Variants in ATP8A2 observed in about 807,000 individuals in gnomAD.
The protein encoded by ATP8A2 is ATPase phospholipid transporting 8A2, also known as phospholipid-transporting ATPase IB.
ATP8A2 carries 100 observed loss-of-function variants against 165.6 expected under a neutral mutation model. The observed-to-expected ratio is 0.60, with a 90% confidence interval of 0.51 to 0.71. The LOEUF (loss-of-function observed/expected upper bound fraction) is 0.71, where lower values mean the gene tolerates loss of function less well. ATP8A2 is among the 30% of genes least tolerant of loss of function. The pLI is 0.00. For missense variants in ATP8A2, 1,227 were observed against 1,479.5 expected, an observed-to-expected ratio of 0.83 and a Z score of 2.80; for synonymous variants, 543 against 548.8, an observed-to-expected ratio of 0.99 and a Z score of 0.15.
At chr13:25,852,031 G>C (rs968333682) in intron 30 of ATP8A2, among the ~76,000 whole-genome samples, 1 of 151,992 alleles carries the variant, frequency 6.6e-6, no homozygotes, top group Non-Finnish European at 1.5e-5. Context: ...TCTCTCTCCT[G>C]ATTGCGTAGA....
chr13:25,744,725 A>C (rs1303534183), intron 25 of ATP8A2, among the ~76,000 whole-genome samples: 2 of 152,202 alleles, frequency 1.3e-5, no homozygotes, highest in South Asian at 2.1e-4. Context: ...AGTGTTTGTA[A>C]TAAAAACTTG....
At chr13:25,636,678 C>T (rs80205148) in intron 24 of ATP8A2, among the ~76,000 whole-genome samples, 5,271 of 152,236 alleles carry the variant, frequency 0.035, 158 homozygotes, top group East Asian at 0.13. Flanking sequence ...ACCACAATCT[C>T]GCCTTCACTC....
At chr13:25,525,949 C>A (rs989031286) in intron 2 of ATP8A2, among the ~76,000 whole-genome samples, 1 of 152,006 alleles carries the variant, frequency 6.6e-6, no homozygotes, top group Non-Finnish European at 1.5e-5. Flanking sequence ...TAGACTTTGT[C>A]TTTTGAGGTA....
At chr13:25,522,921 C>G (rs2037715803) in intron 2 of ATP8A2, among the ~76,000 whole-genome samples, 2 of 152,146 alleles carry the variant, frequency 1.3e-5, no homozygotes, top group South Asian at 4.2e-4. Context: ...ATCAGGAGTT[C>G]AAGACCAGCT....
At chr13:25,398,019 C>T (rs1190250525) in intron 1 of ATP8A2, among the ~76,000 whole-genome samples, 4 of 152,124 alleles carry the variant, frequency 2.6e-5, no homozygotes, top group South Asian at 2.1e-4. Context: ...AGGTAGCAGC[C>T]TTAGGGAGAA....
chr13:25,388,253 TGGGGGA>T (rs2033125253), intron 1 of ATP8A2, among the ~76,000 whole-genome samples: 1 of 152,042 alleles, frequency 6.6e-6, no homozygotes, highest in Non-Finnish European at 1.5e-5. Context: ...AGCTGGCTCC[TGGGGGA>T]GAAGTCAAGG....
chr13:25,998,668 C>G (rs909623703), intron 35 of ATP8A2, among the ~76,000 whole-genome samples: 7 of 152,204 alleles, frequency 4.6e-5, no homozygotes, highest in African/African-American at 1.7e-4. Context: ...CCTCTCTTCT[C>G]TCCAGTGCCC....
intron 33 of ATP8A2, among the ~76,000 whole-genome samples, chr13:25,942,204 A>C (rs9511983): frequency 6.6e-6 from 1 of 152,028 alleles, no homozygotes; most frequent in African/African-American, 2.4e-5. Context: ...TCTCCCATTG[A>C]TAAACATTTG....
chr13:25,697,501 GA>G (rs757078976), intron 24 of ATP8A2, among the ~76,000 whole-genome samples: 8 of 152,138 alleles, frequency 5.3e-5, no homozygotes, highest in Non-Finnish European at 1.0e-4. Flanking sequence ...GGCTAGTCTT[GA>G]ATTCTTGACC....
chr13:25,691,452 AGTTTTTTGTTTTTC>A (rs2042723198), intron 24 of ATP8A2, among the ~76,000 whole-genome samples: 1 of 152,214 alleles, frequency 6.6e-6, no homozygotes, highest in African/African-American at 2.4e-5. Flanking sequence ...GAAGGATAAA[AGTTTTTTGTTTTTC>A]GTTTTTTGGA....
rs1298596762 is a variant in ATP8A2 at position 25,672,675 on chromosome 13, T to G, written c.2212-26498T>G. On this transcript the variant is annotated intron_variant, in intron 24 of 36. Transcript: ENST00000381655. ...CGTTTCTGAAGCTGCCTCTGCTGGT[T>G]GCCAGGCAGTGGCTTTACTCCTTTT... 2.0e-5 allele frequency among the ~76,000 whole-genome samples: 3 copies of G among 152,370 alleles called. No homozygotes were observed. In the East Asian group the frequency reaches 5.8e-4, roughly 29 times the overall value.
chr13:25,451,047 C>T (rs2035210518), intron 1 of ATP8A2, among the ~76,000 whole-genome samples: 2 of 152,048 alleles, frequency 1.3e-5, no homozygotes, highest in Admixed American at 1.3e-4. Flanking sequence ...ATGTCCTTTT[C>T]CTCTCTAACC....
chr13:25,530,730 G>C, intron 4 of ATP8A2, 70 bp downstream of exon 4: 1 of 990,488 alleles, frequency 1.0e-6, no homozygotes, highest in Non-Finnish European at 1.5e-6. Flanking sequence ...TGCCTCGGGT[G>C]ATATATTTAA....
chr13:25,409,661 A>G (rs1321022011), intron 1 of ATP8A2, among the ~76,000 whole-genome samples: 2 of 152,206 alleles, frequency 1.3e-5, no homozygotes, highest in South Asian at 2.1e-4. Context: ...ATGTACATCA[A>G]TGAAACAGGA....
At chr13:25,825,420 A>G (rs1951290442) in intron 27 of ATP8A2, among the ~76,000 whole-genome samples, 1 of 151,788 alleles carries the variant, frequency 6.6e-6, no homozygotes, top group South Asian at 2.1e-4. Context: ...TGGCCTCCCA[A>G]AGTGCTGGGA....
At chr13:25,849,616 A>G (rs574667559) in intron 30 of ATP8A2, among the ~76,000 whole-genome samples, 1 of 152,300 alleles carries the variant, frequency 6.6e-6, no homozygotes, top group South Asian at 2.1e-4. Context: ...GGCTGTTACT[A>G]CTAATGTTGG....
chr13:25,465,677 T>C (rs886777073), intron 1 of ATP8A2, among the ~76,000 whole-genome samples: 1 of 8,278 alleles, frequency 1.2e-4, no homozygotes, highest in East Asian at 3.7e-3. Context: ...CTTTCTTTCT[T>C]TCTTTCTTTC....
intron 24 of ATP8A2, among the ~76,000 whole-genome samples, chr13:25,695,282 G>T (rs544616769): frequency 6.6e-6 from 1 of 152,130 alleles, no homozygotes; most frequent in Non-Finnish European, 1.5e-5. Context: ...GCTAACAATC[G>T]CCTAAGCCTT....
At chr13:25,531,529 A>G (rs1425887734) in intron 4 of ATP8A2, among the ~76,000 whole-genome samples, 40 of 149,966 alleles carry the variant, frequency 2.7e-4, no homozygotes, top group Non-Finnish European at 5.9e-5. Flanking sequence ...CCTCCCTTAC[A>G]TACACACACA....
Sources: gnomAD v4.1 joint callset for allele counts (sites outside exome capture counted in the v4.1 genomes callset) on GRCh38, gnomAD v4.1.1 for gene constraint, MANE v1.5 for transcripts, NCBI Gene and HGNC (gene_info 2026-07-23, HGNC 2026-07-21) for gene names.